DTNA: variants seen among roughly 807,000 people sequenced by gnomAD.
DTNA encodes dystrobrevin alpha.
A neutral mutation model predicts 100.7 loss-of-function variants in DTNA; 43 were observed. That is an observed-to-expected ratio of 0.43 (90% CI 0.33 to 0.55). DTNA has a LOEUF of 0.55. Ranked by LOEUF, DTNA falls within the 20% of genes least tolerant of loss-of-function variation. The probability of loss-of-function intolerance (pLI) is 0.04; values close to 1 mark genes in which losing one functional copy is unlikely to be tolerated. For synonymous variants in DTNA, 349 were observed against 347.9 expected (o/e 1.00, Z -0.04); for missense variants, 798 against 953.9 (o/e 0.84, Z 2.15).
intron 3 of DTNA, among the ~76,000 whole-genome samples, chr18:34,786,519 A>G (rs1392718392): frequency 6.6e-6 from 1 of 152,120 alleles, no homozygotes; most frequent in Non-Finnish European, 1.5e-5. Flanking sequence ...TGCATATCTC[A>G]AAGAGGGGAA....
At chr18:34,571,770 G>A (rs1285218695) in intron 1 of DTNA, among the ~76,000 whole-genome samples, 1 of 152,042 alleles carries the variant, frequency 6.6e-6, no homozygotes, top group African/African-American at 2.4e-5. Flanking sequence ...TTCTGCCATT[G>A]TAAGCTTTCT....
At chr18:34,585,350 G>T (rs1204531616) in intron 1 of DTNA, among the ~76,000 whole-genome samples, 1 of 151,810 alleles carries the variant, frequency 6.6e-6, no homozygotes, top group African/African-American at 2.4e-5. Context: ...ATGGGCAGAT[G>T]AAAAATTAAG....
intron 2 of DTNA, among the ~76,000 whole-genome samples, chr18:34,764,381 A>C (rs1033504239): frequency 7.9e-5 from 12 of 152,216 alleles, no homozygotes; most frequent in Admixed American, 7.9e-4. Context: ...TATTTTCACA[A>C]GTAATAATCT....
At chr18:34,655,430 A>G (rs2074234458) in intron 1 of DTNA, among the ~76,000 whole-genome samples, 1 of 152,190 alleles carries the variant, frequency 6.6e-6, no homozygotes, top group Non-Finnish European at 1.5e-5. Context: ...TTTATCTGGT[A>G]AAGGAAATGG....
At chr18:34,629,303 A>G (rs1444090227) in intron 1 of DTNA, among the ~76,000 whole-genome samples, 3 of 152,214 alleles carry the variant, frequency 2.0e-5, no homozygotes, top group Admixed American at 1.3e-4. Flanking sequence ...CTACAGCAAT[A>G]CTTACCAAAG....
Position 34,553,799 on chromosome 18 carries a change from GT to G in DTNA, c.-2+60286del, listed in dbSNP as rs536945504. Among the ~76,000 whole-genome samples, 496 of 152,308 alleles carry G rather than the reference GT, an allele frequency of 3.3e-3. 2 individuals are homozygous for G. The highest frequency in any genetic ancestry group is 0.011 in the African/African-American group (463 of 41,562). ...TTACTGTAGCCTTGTATAGTTTGAA[GT>G]CAGATAGTGTGATGCCTCCAGCTTT... On this transcript the variant is annotated intron_variant, in intron 1 of 19. Transcript: ENST00000283365.
intron 3 of DTNA, among the ~76,000 whole-genome samples, chr18:34,791,232 G>T (rs1284253469): frequency 6.6e-6 from 1 of 152,144 alleles, no homozygotes; most frequent in Non-Finnish European, 1.5e-5. Context: ...TTTGCCAACA[G>T]CCATTTAGCT....
rs765472502 is a variant in DTNA, at chr18:34,756,054, A to G, written c.67+11A>G. The G allele has an allele frequency of 8.1e-6, 13 of 1,612,018 alleles. No homozygotes were observed. The South Asian group carries it at 1.1e-4, about 14-fold the overall frequency. ...TGTTTGCAGAGATGAGTAAGTATGGATCTTTTAAGGAACACCCTATAGTTT... is the reference window on the plus strand; with the variant it reads ...TGTTTGCAGAGATGAGTAAGTATGGGTCTTTTAAGGAACACCCTATAGTTT... On this transcript the variant is annotated intron_variant, in intron 2 of 22. Coordinates refer to ENST00000444659, the MANE Select transcript of DTNA (RefSeq NM_001386795.1).
At chr18:34,493,924 CGCGGCGCCTCCCCGGGCGGCGG>C (rs1476521540) in intron 1 of DTNA, 9 of 148,242 alleles carry the variant, frequency 6.1e-5, no homozygotes, top group Non-Finnish European at 1.2e-4. Flanking sequence ...AGGACTGCGG[CGCGGCGCCTCCCCGGGCGGCGG>C]GCGGCGCCTC....
At chr18:34,774,483 G>A (rs980631300) in intron 3 of DTNA, among the ~76,000 whole-genome samples, 2 of 152,170 alleles carry the variant, frequency 1.3e-5, no homozygotes, top group Admixed American at 6.5e-5. Context: ...TCCTCACTGA[G>A]GTTTTGTTAA....
intron 1 of DTNA, among the ~76,000 whole-genome samples, chr18:34,669,524 A>G (rs1379745152): frequency 3.9e-5 from 6 of 152,292 alleles, no homozygotes; most frequent in South Asian, 4.2e-4. Flanking sequence ...CCTAGCATCA[A>G]TGGTCTTTAC....
chr18:34,821,889 T>A (rs2095732424), intron 9 of DTNA, among the ~76,000 whole-genome samples: 1 of 152,168 alleles, frequency 6.6e-6, no homozygotes, highest in African/African-American at 2.4e-5. Context: ...CTGTGGTGGG[T>A]ATGAGACCTT....
chr18:34,671,366 C>T (rs895694297), intron 1 of DTNA, among the ~76,000 whole-genome samples: 2 of 152,156 alleles, frequency 1.3e-5, no homozygotes, highest in African/African-American at 2.4e-5. Flanking sequence ...TTCACTGACC[C>T]CTTGTGCTTC....
chr18:34,782,266 G>A (rs536205009), intron 3 of DTNA, among the ~76,000 whole-genome samples: 3 of 152,278 alleles, frequency 2.0e-5, no homozygotes, highest in East Asian at 1.9e-4. Context: ...ATGCTAGCAC[G>A]TAGTTCTGTG....
intron 2 of DTNA, among the ~76,000 whole-genome samples, chr18:34,756,847 A>C (rs1385094316): frequency 6.6e-6 from 1 of 152,178 alleles, no homozygotes; most frequent in African/African-American, 2.4e-5. Flanking sequence ...AGGAAAAAGC[A>C]TGGTTCTCTT....
intron 1 of DTNA, among the ~76,000 whole-genome samples, chr18:34,681,865 A>G (rs895935862): frequency 1.1e-4 from 16 of 152,038 alleles, no homozygotes; most frequent in Non-Finnish European, 2.2e-4. Flanking sequence ...TGTGCATTCT[A>G]TGGGCTTTGA....
At chr18:34,703,584 C>T (rs537700455) in intron 1 of DTNA, among the ~76,000 whole-genome samples, 33 of 152,260 alleles carry the variant, frequency 2.2e-4, no homozygotes, top group African/African-American at 6.0e-4. Context: ...GGAGAACTGA[C>T]CAGTGTGGAA....
At chr18:34,676,742 G>C (rs2077447746) in intron 1 of DTNA, among the ~76,000 whole-genome samples, 1 of 152,128 alleles carries the variant, frequency 6.6e-6, no homozygotes, top group South Asian at 2.1e-4. Context: ...GGTTGAGATG[G>C]GAAGATTGCT....
At chr18:34,863,604 C>T (rs1294415028) in intron 16 of DTNA, among the ~76,000 whole-genome samples, 1 of 152,172 alleles carries the variant, frequency 6.6e-6, no homozygotes, top group African/African-American at 2.4e-5. Context: ...GGAAGATTTG[C>T]CTTTTTCAGT....
Sources: allele counts gnomAD v4.1 joint callset (sites outside exome capture counted in the v4.1 genomes callset), GRCh38; gene constraint gnomAD v4.1.1; transcripts MANE v1.5; gene names NCBI Gene and HGNC (gene_info 2026-07-23, HGNC 2026-07-21).